The following BLZF1 variants were observed in gnomAD, a reference collection of about 807,000 sequenced individuals.
BLZF1 encodes the protein basic leucine zipper nuclear factor 1.
Under a neutral mutation model 43.8 loss-of-function variants are expected in BLZF1, and 39 were observed. The observed-to-expected ratio is 0.89, with a 90% CI of 0.69 to 1.16. The LOEUF (loss-of-function observed/expected upper bound fraction) is 1.16. Ranked by LOEUF, BLZF1 falls within the 50% of genes most tolerant of loss-of-function variation. BLZF1 has a pLI of 0.00. For synonymous variants in BLZF1, 136 were observed against 159.4 expected (o/e 0.85, Z 1.11); for missense variants, 449 against 469.8 (o/e 0.96, Z 0.41).
At chr1:169,380,283 T>G (rs1307006384) in intron 4 of BLZF1, among the ~76,000 whole-genome samples, 198 bp from the exon 5 acceptor site, 1 of 152,046 alleles carries the variant, frequency 6.6e-6, no homozygotes, top group African/African-American at 2.4e-5. Flanking sequence ...AAATGAATAT[T>G]TTAACTGAAT....
intron 6 of BLZF1, among the ~76,000 whole-genome samples, chr1:169,384,674 C>T (rs1437735233): frequency 6.6e-6 from 1 of 152,026 alleles, no homozygotes; most frequent in Non-Finnish European, 1.5e-5. Flanking sequence ...TCTGGACTAC[C>T]CTCCCCACAC....
chr1:169,395,308 C>T lies in BLZF1; in HGVS notation c.*28-586C>T, dbSNP rs968182360. On this transcript the variant is annotated intron_variant, in intron 7 of 7. Coordinates refer to the BLZF1 transcript ENST00000329281. The stretch of plus-strand genomic sequence containing the variant: ...GACAAAATAAATGGACATTTCTTTA[C>T]AATGAAATACTGTCACAGCACAAAT... The T allele has an allele frequency of 1.7e-5, 17 of 1,010,450 alleles. 2 individuals carry two copies. In the Middle Eastern group the frequency reaches 6.8e-4, roughly 40 times the overall value. 62.6% of individuals were successfully genotyped at this position (1,010,450 alleles called of 1,614,324 possible). A position where few individuals can be genotyped will look rare whatever the true frequency, so the allele number is the denominator to read the frequency against.
intron 6 of BLZF1, among the ~76,000 whole-genome samples, chr1:169,384,094 C>A (rs183544384): frequency 9.1e-4 from 139 of 152,132 alleles, no homozygotes; most frequent in African/African-American, 3.2e-3. Context: ...TACAACCCCC[C>A]ACCCCTAAAA....
At chr1:169,394,969 A>G in intron 7 of BLZF1, 1 of 1,281,474 alleles carries the variant, frequency 7.8e-7, no homozygotes, top group Non-Finnish European at 1.1e-6. Flanking sequence ...TTAGAATACA[A>G]CCAAAGTACA....
At chr1:169,395,357 T>A in intron 7 of BLZF1, 1 of 647,278 alleles carries the variant, frequency 1.5e-6, no homozygotes, top group African/African-American at 1.9e-5. Flanking sequence ...CTGAAAAATG[T>A]AAAGATTACA....
At chr1:169,385,060 C>T (rs1390763428) in intron 6 of BLZF1, among the ~76,000 whole-genome samples, 2 of 152,192 alleles carry the variant, frequency 1.3e-5, no homozygotes, top group Non-Finnish European at 2.9e-5. Flanking sequence ...CTGCCAGTAG[C>T]ATTTGGTATA....
At position 169,375,497 on chromosome 1, in the gene BLZF1, T is replaced by C. The variant is rs193055384; in HGVS notation, c.29-1043T>C. Among the ~76,000 whole-genome samples, 10 of 147,374 alleles carry C rather than the reference T, an allele frequency of 6.8e-5. No individual in the cohort carries two copies. In the East Asian group the frequency reaches 2.0e-3, roughly 29 times the overall value. ...GTAGTTCATGATTGTCCTTAATGTT[T>C]CTATAGACATAAAATTTCTATTGAA... On this transcript the variant is annotated intron_variant, in intron 2 of 6. Transcript: ENST00000367808.
In BLZF1 at chr1:169,370,946, C is replaced by T. The variant is rs574302930; in HGVS notation, c.28+1396C>T. On this transcript the variant is annotated intron_variant, in intron 2 of 6. Coordinates refer to ENST00000367808, the MANE Select transcript of BLZF1 (RefSeq NM_001320973.2). ...TGAACTTCTCCTGACCCAGCTTATTCTTTGGATGGGTTGAGTTCTGCATGC... is the reference window on the plus strand; with the variant it reads ...TGAACTTCTCCTGACCCAGCTTATTTTTTGGATGGGTTGAGTTCTGCATGC... Among the ~76,000 whole-genome samples the T allele has an allele frequency of 7.9e-5, 12 of 152,234 alleles. No individual in the cohort carries two copies. The South Asian group carries it at 2.5e-3, about 32-fold the overall frequency.
chr1:169,382,074 G>A lies in BLZF1; in HGVS notation c.810G>A (p.Glu270=), dbSNP rs1183679338. 6.2e-7 allele frequency: 1 copy of A among 1,613,270 alleles called. No homozygotes were observed. The highest frequency in any genetic ancestry group is 8.5e-7 in the Non-Finnish European group (1 of 1,179,448). ...GTGTTCTATGCAGATTATTGGAGGA[G>A]CTCTTAGTTTCCTTGCAATGGGGAA... ...EMIATQKLLE[E]LLVSLQWGRE... is the part of the protein sequence containing the mutation. Residue 270 remains glutamate, a synonymous_variant, in exon 6 of 7, where the codon GAG becomes GAA. Transcript: ENST00000367808.
Position 169,376,689 on chromosome 1 carries a change from C to T in BLZF1, c.178C>T (p.Pro60Ser), listed in dbSNP as rs1237419310. 6.2e-7 allele frequency: 1 copy of T among 1,613,140 alleles called. No individual in the cohort carries two copies. Among genetic ancestry groups the T allele is most frequent in the African/African-American group, 1.3e-5 (1 of 74,772 alleles). ...PWKKAVPSES[P>S]GVLQLGKMLT... ...GAAGAAAGCAGTTCCATCAGAGAGC[C>T]CAGGAGTTCTTCAGCTAGGGAAAAT... The change falls in exon 3 of 7, where the codon CCA (proline) becomes TCA (serine). Residue 60 changes from proline (P) to serine (S), a missense_variant. Coordinates refer to ENST00000367808, the MANE Select transcript of BLZF1 (RefSeq NM_001320973.2).
At chr1:169,386,291 G>A (rs10800443) in intron 6 of BLZF1, among the ~76,000 whole-genome samples, 6,816 of 152,150 alleles carry the variant, frequency 0.045, 213 homozygotes, top group East Asian at 0.12. Context: ...TTGAAATATC[G>A]TTTCCATAGA....
chr1:169,378,662 G>A (rs1654439209), intron 4 of BLZF1, 133 bp downstream of exon 4: 1 of 742,012 alleles, frequency 1.3e-6, no homozygotes, highest in Non-Finnish European at 2.2e-6. Context: ...TTTAAGATGT[G>A]GACTCTCTCT....
In BLZF1 at chr1:169,380,478, CAGGGTA is replaced by C; in HGVS notation, c.669-1_673del. 1 of 1,604,558 alleles carries C rather than the reference CAGGGTA, an allele frequency of 6.2e-7. No individual in the cohort carries two copies. The highest frequency in any genetic ancestry group is 8.5e-7 in the Non-Finnish European group (1 of 1,174,358). ...TTATATGTAAGATTTTAATCTTTTTCAGGGTAATGGCAGATGAGTTAACCAACTCAA... is the reference window on the plus strand; with the variant it reads ...TTATATGTAAGATTTTAATCTTTTTCATGGCAGATGAGTTAACCAACTCAA... On this transcript the variant is annotated splice_acceptor_variant and coding_sequence_variant, in exon 5 of 7. Coordinates refer to ENST00000367808, the MANE Select transcript of BLZF1 (RefSeq NM_001320973.2). LOFTEE classifies it high-confidence loss of function.
downstream of BLZF1, among the ~76,000 whole-genome samples, chr1:169,390,154 C>T (rs1333796610): frequency 1.3e-5 from 2 of 152,076 alleles, no homozygotes; most frequent in African/African-American, 4.8e-5. Context: ...TTTGTAACCA[C>T]AAACTCGTGG....
At chr1:169,395,522 C>G (rs1471632903) in intron 7 of BLZF1, among the ~76,000 whole-genome samples, 1 of 152,094 alleles carries the variant, frequency 6.6e-6, no homozygotes, top group Non-Finnish European at 1.5e-5. Context: ...AACAGGATTT[C>G]TTACTATTTG....
At chr1:169,372,004 A>G (rs1654137127) in intron 2 of BLZF1, among the ~76,000 whole-genome samples, 1 of 152,276 alleles carries the variant, frequency 6.6e-6, no homozygotes, top group Non-Finnish European at 1.5e-5. Context: ...CTTTAATACT[A>G]ATGTACATTG....
rs772019822 is a variant in BLZF1, at chr1:169,376,950, C to G, written c.439C>G (p.Leu147Val). 1.2e-6 allele frequency: 2 copies of G among 1,613,072 alleles called. No homozygotes were observed. The highest frequency in any genetic ancestry group is 1.7e-6 in the Non-Finnish European group (2 of 1,179,424). ...AAGGTTACTACAGGACAAAGAAGGT[C>G]TTTCAAACCAGCTCCGTGTACAGAC... The part of the protein sequence containing the change: ...ERRLLQDKEG[L>V]SNQLRVQTEV... The change falls in exon 3 of 7, where the codon CTT (leucine) becomes GTT (valine). Residue 147 changes from leucine to valine, a missense_variant. Physicochemically the swap from Leu to Val is conservative, Grantham distance 32. Coordinates refer to ENST00000367808, the MANE Select transcript of BLZF1 (RefSeq NM_001320973.2).
At chr1:169,392,886 C>G (rs1309465344), downstream of BLZF1, among the ~76,000 whole-genome samples, 1 of 152,080 alleles carries the variant, frequency 6.6e-6, no homozygotes, top group African/African-American at 2.4e-5. Context: ...GTTCCACGAC[C>G]CTTCCTCCAT....
downstream of BLZF1, among the ~76,000 whole-genome samples, chr1:169,389,237 T>C (rs901467360): frequency 1.3e-5 from 2 of 151,832 alleles, no homozygotes; most frequent in African/African-American, 4.8e-5. Flanking sequence ...GAGGCTGCAG[T>C]GAGCCGAGAT....
Sources: gnomAD v4.1 joint callset for allele counts (sites outside exome capture counted in the v4.1 genomes callset) on GRCh38, gnomAD v4.1.1 for gene constraint, MANE v1.5 for transcripts, NCBI Gene and HGNC (gene_info 2026-07-23, HGNC 2026-07-21) for gene names.